CUX1: variants seen among roughly 807,000 people sequenced by gnomAD.
CUX1 encodes cut like homeobox 1.
In CUX1, 31 loss-of-function variants were observed where a neutral mutation model predicts 158.8. The observed-to-expected ratio is 0.20, with a 90% CI of 0.15 to 0.26. The LOEUF is 0.26. Among genes scored for constraint, CUX1 ranks in the 10% least tolerant of loss-of-function variants. The pLI, the probability that CUX1 is intolerant of heterozygous loss-of-function variation, is 1.00. For missense variants in CUX1, 1,589 were observed against 2,014.6 expected, an observed-to-expected ratio of 0.79 and a Z score of 4.04; for synonymous variants, 879 against 862.1, an observed-to-expected ratio of 1.02 and a Z score of -0.34.
At chr7:101,954,459 G>A (rs763781570) in intron 2 of CUX1, among the ~76,000 whole-genome samples, 11 of 152,188 alleles carry the variant, frequency 7.2e-5, no homozygotes, top group East Asian at 1.9e-4. Context: ...GGTGCCTAGC[G>A]TCTTTTGTAG....
At chr7:102,118,940 C>T (rs570511081) in intron 8 of CUX1, among the ~76,000 whole-genome samples, 14 of 152,006 alleles carry the variant, frequency 9.2e-5, no homozygotes, top group African/African-American at 2.2e-4. Context: ...TTAGTAGAGA[C>T]GGGGTTTCAC....
intron 2 of CUX1, among the ~76,000 whole-genome samples, chr7:101,996,967 G>GCTCCCCTGCGCTCATGTGCA (rs1815993064): frequency 1.3e-5 from 2 of 151,232 alleles, no homozygotes; most frequent in African/African-American, 4.9e-5. Context: ...TCTGGGAATC[G>GCTCCCCTGCGCTCATGTGCA]CTCCCCTGCG....
intron 21 of CUX1, among the ~76,000 whole-genome samples, chr7:102,228,671 C>T (rs1253334394): frequency 6.6e-6 from 1 of 152,080 alleles, no homozygotes; most frequent in Non-Finnish European, 1.5e-5. Flanking sequence ...TGGTGGTGCA[C>T]GCCTGTAGTT....
At chr7:102,228,245 T>C (rs777885610) in intron 21 of CUX1, among the ~76,000 whole-genome samples, 5 of 151,378 alleles carry the variant, frequency 3.3e-5, no homozygotes, top group Non-Finnish European at 7.4e-5. Context: ...AAGCCAGGCA[T>C]GAGCCATCGT....
chr7:102,272,461 C>T (rs1554546485), intron 14 of CUX1, among the ~76,000 whole-genome samples: 1 of 152,268 alleles, frequency 6.6e-6, no homozygotes, highest in Non-Finnish European at 1.5e-5. Context: ...AGGCCTCAGT[C>T]TCCCTCTCTG....
intron 1 of CUX1, among the ~76,000 whole-genome samples, chr7:101,899,235 C>G (rs1562979903): frequency 1.3e-5 from 2 of 152,198 alleles, no homozygotes; most frequent in South Asian, 2.1e-4. Flanking sequence ...ACAATCCCCT[C>G]CCTGCCAGTT....
intron 4 of CUX1, among the ~76,000 whole-genome samples, chr7:102,088,338 A>G (rs892532620): frequency 6.6e-6 from 1 of 151,910 alleles, no homozygotes; most frequent in Non-Finnish European, 1.5e-5. Flanking sequence ...GATATAAAAT[A>G]GTTTCTTGGG....
chr7:102,269,452 G>C (rs2960239), intron 14 of CUX1, among the ~76,000 whole-genome samples: 152,016 of 152,016 alleles, frequency 1, 76,008 homozygotes, highest in Non-Finnish European at 1. Context: ...GTTGCCCAGG[G>C]TGGAGTACAA....
intron 2 of CUX1, among the ~76,000 whole-genome samples, chr7:102,027,018 G>A (rs562947355): frequency 1.4e-3 from 210 of 152,108 alleles, no homozygotes; most frequent in African/African-American, 4.7e-3. Flanking sequence ...TGGTGGCATG[G>A]GATAAAATTT....
intron 1 of CUX1, among the ~76,000 whole-genome samples, chr7:101,874,369 C>T (rs1798892708): frequency 6.6e-6 from 1 of 152,200 alleles, no homozygotes; most frequent in African/African-American, 2.4e-5. Flanking sequence ...ATAGTATTAA[C>T]TCCATTTTAC....
chr7:102,034,851 T>C (rs1450674955), intron 3 of CUX1, among the ~76,000 whole-genome samples: 2 of 151,760 alleles, frequency 1.3e-5, no homozygotes, highest in East Asian at 3.9e-4. Context: ...GGAGAATCAC[T>C]TGAACCCAGG....
intron 2 of CUX1, among the ~76,000 whole-genome samples, chr7:101,980,643 C>A (rs1285913244): frequency 2.0e-5 from 3 of 152,216 alleles, no homozygotes; most frequent in Admixed American, 1.3e-4. Context: ...ACACCTCTCC[C>A]GCTTCTGACT....
At chr7:102,278,812 G>A (rs192546920) in intron 18 of CUX1, among the ~76,000 whole-genome samples, 41 of 151,758 alleles carry the variant, frequency 2.7e-4, no homozygotes, top group Admixed American at 1.4e-3. Flanking sequence ...TCCCAGCACC[G>A]TGAGAGGCCG....
rs1274760943 is a variant in CUX1 at position 102,250,043 on chromosome 7, C to CAAAAAAAAGA, written c.*1020_*1029dup. The CAAAAAAAAGA allele has an allele frequency of 4.5e-6, 4 of 895,780 alleles. No homozygotes were observed. The highest frequency in any genetic ancestry group is 1.4e-4 in the Admixed American group (1 of 7,366). The allele number at this position is 895,780 out of a possible 1,614,324, so 55.5% of individuals were successfully genotyped here. On this transcript the variant is annotated 3_prime_UTR_variant, in exon 24 of 24. Coordinates refer to ENST00000292535, the MANE Select transcript of CUX1 (RefSeq NM_181552.4). ...CACTCCATTCTAGGCCAAATCAGGA[C>CAAAAAAAAGA]AAAAAAAAGAAAAAAAAAGAAAAAA...
chr7:102,150,148 C>CTTTGT (rs1835476812), intron 8 of CUX1, among the ~76,000 whole-genome samples: 1 of 151,752 alleles, frequency 6.6e-6, no homozygotes, highest in Non-Finnish European at 1.5e-5. Flanking sequence ...TTTTTGTTTT[C>CTTTGT]TTTGTTTTTT....
intron 8 of CUX1, among the ~76,000 whole-genome samples, chr7:102,143,492 C>T (rs1056223547): frequency 6.6e-6 from 1 of 152,250 alleles, no homozygotes; most frequent in South Asian, 2.1e-4. Flanking sequence ...AGGCTGGTCT[C>T]GAATTCCTGG....
chr7:101,895,912 T>G (rs1369669415), intron 1 of CUX1, among the ~76,000 whole-genome samples: 1 of 110,616 alleles, frequency 9.0e-6, no homozygotes, highest in Non-Finnish European at 1.9e-5. Flanking sequence ...GTTTTTGTTT[T>G]TTTTTTTTTT....
chr7:102,102,316 C>T (rs958382755), intron 5 of CUX1, among the ~76,000 whole-genome samples: 1 of 145,702 alleles, frequency 6.9e-6, no homozygotes, highest in South Asian at 2.2e-4. Flanking sequence ...CTCAGCTACT[C>T]GGGAGGCTGA....
intron 3 of CUX1, among the ~76,000 whole-genome samples, chr7:102,031,615 C>T (rs1267083040): frequency 5.3e-5 from 8 of 151,806 alleles, no homozygotes; most frequent in Non-Finnish European, 1.0e-4. Context: ...TTTTTGGCAC[C>T]ATTAATTAAT....
Sources: allele counts gnomAD v4.1 joint callset (sites outside exome capture counted in the v4.1 genomes callset), GRCh38; gene constraint gnomAD v4.1.1; transcripts MANE v1.5; gene names NCBI Gene and HGNC (gene_info 2026-07-23, HGNC 2026-07-21).